The following COL28A1 variants were observed in gnomAD, a reference collection of about 807,000 sequenced individuals.
COL28A1 encodes collagen type XXVIII alpha 1 chain.
A neutral mutation model predicts 150.2 loss-of-function variants in COL28A1; 161 were observed. That is an observed-to-expected ratio of 1.07 (90% confidence interval 0.94 to 1.22). COL28A1 has a LOEUF of 1.22. COL28A1 is among the 50% of genes most tolerant of loss of function. COL28A1 has a pLI of 0.00. For missense variants in COL28A1, 1,617 were observed against 1,388.3 expected (o/e 1.16, Z -2.62); for synonymous variants, 552 against 469.7 (o/e 1.18, Z -2.26).
chr7:7,370,903 A>G, intron 32 of COL28A1, 21 bp from the exon 33 acceptor site: 2 of 1,535,380 alleles, frequency 1.3e-6, no homozygotes, highest in Non-Finnish European at 1.8e-6. Flanking sequence ...AGAAGTAGAA[A>G]AGAGAGATAG....
chr7:7,540,818 C>A (rs905797990), upstream of COL28A1, among the ~76,000 whole-genome samples: 1 of 152,190 alleles, frequency 6.6e-6, no homozygotes, highest in Admixed American at 6.5e-5. Flanking sequence ...ATGAACACCA[C>A]CTCTTCGAAC....
intron 20 of COL28A1, 147 bp from the exon 21 acceptor site, chr7:7,441,008 G>A (rs769343265): frequency 2.6e-5 from 12 of 470,172 alleles, no homozygotes; most frequent in South Asian, 5.2e-5. Context: ...CGCAGGATTC[G>A]TCAATGTTCT....
intron 33 of COL28A1, among the ~76,000 whole-genome samples, chr7:7,369,328 T>C (rs1240078048): frequency 6.6e-6 from 1 of 152,260 alleles, no homozygotes; most frequent in Non-Finnish European, 1.5e-5. Context: ...TCTGAGTCAC[T>C]ATCTGTTCTT....
chr7:7,484,182 A>AT (rs1176422286), intron 13 of COL28A1, among the ~76,000 whole-genome samples: 2 of 152,214 alleles, frequency 1.3e-5, no homozygotes, highest in African/African-American at 2.4e-5. Context: ...AATCTAAAGA[A>AT]TAAAAAAAAA....
intron 25 of COL28A1, among the ~76,000 whole-genome samples, chr7:7,427,222 T>C (rs1206438421): frequency 1.3e-5 from 2 of 152,222 alleles, no homozygotes; most frequent in African/African-American, 4.8e-5. Flanking sequence ...TAGTCACCTT[T>C]TCCTGGTCTT....
intron 13 of COL28A1, among the ~76,000 whole-genome samples, chr7:7,478,331 T>C (rs1037243263): frequency 8.5e-5 from 13 of 152,304 alleles, no homozygotes; most frequent in African/African-American, 2.9e-4. Flanking sequence ...GATTGGTGCA[T>C]TCACAAACCC....
At chr7:7,365,174 G>A (rs948973416) in intron 33 of COL28A1, among the ~76,000 whole-genome samples, 2 of 89,516 alleles carry the variant, frequency 2.2e-5, no homozygotes, top group African/African-American at 5.9e-5. Context: ...TTTATCTGAA[G>A]CAAGAGTGAA....
chr7:7,351,787 T>C (rs536492326), downstream of COL28A1, among the ~76,000 whole-genome samples: 77 of 152,066 alleles, frequency 5.1e-4, 1 homozygote, highest in African/African-American at 1.8e-3. Flanking sequence ...GTGTGACATA[T>C]GACTTGGGGC....
the COL28A1 span, among the ~76,000 whole-genome samples, chr7:7,339,061 C>T: frequency 3.9e-5 from 6 of 152,178 alleles, no homozygotes; most frequent in South Asian, 4.1e-4. Context: ...TCCAAATGCA[C>T]GAGTGAGCAC....
At position 7,380,692 on chromosome 7, in the gene COL28A1, A is replaced by C. The variant is rs978472949; in HGVS notation, c.2290T>G (p.Leu764Val). The C allele has an allele frequency of 4.3e-6, 7 of 1,613,686 alleles. No individual in the cohort carries two copies. In the Admixed American group the frequency reaches 1.0e-4, roughly 23 times the overall value. Residue 764 changes from leucine to valine, a missense_variant, in exon 30 of 35, where the codon TTA becomes GTA. Leu to Val is a conservative substitution (Grantham distance 32). Transcript: ENST00000399429. ...CCTAGGTCTCCTTTGGGTCCTTGTA[A>C]ACCCTACTTAGTGGAAGAAGAGTAA... The part of the protein sequence containing the change: ...GEPGSPGKQG[L>V]QGPKGDLGLT...
intron 33 of COL28A1, among the ~76,000 whole-genome samples, chr7:7,366,772 T>C (rs1780951519): frequency 6.6e-6 from 1 of 152,230 alleles, no homozygotes; most frequent in South Asian, 2.1e-4. Context: ...AGGGAAATGG[T>C]ACTTCTGAGA....
the COL28A1 span, among the ~76,000 whole-genome samples, chr7:7,541,127 G>A: frequency 7.2e-5 from 11 of 152,186 alleles, no homozygotes; most frequent in South Asian, 1.7e-3. Flanking sequence ...ATATTAAGCC[G>A]TTACAATGCT....
the COL28A1 span, among the ~76,000 whole-genome samples, chr7:7,541,783 C>A: frequency 6.9e-3 from 1,045 of 152,260 alleles, 11 homozygotes; most frequent in East Asian, 0.014. Context: ...TCAAGAAGCT[C>A]TCTAAGTAAC....
In COL28A1 at chr7:7,484,270, T is replaced by C. The variant is rs372214456; in HGVS notation, c.1164+5119A>G. On this transcript the variant is annotated intron_variant, in intron 13 of 34. Coordinates refer to ENST00000399429, the MANE Select transcript of COL28A1 (RefSeq NM_001037763.3). ...ACTAAAGACATGGAAACAGAAACCA[T>C]GGTTGCCAGCAGACAATGGAATTAG... 4.6e-5 allele frequency among the ~76,000 whole-genome samples: 7 copies of C among 152,240 alleles called. No homozygotes were observed. In the East Asian group the frequency reaches 9.6e-4, roughly 21 times the overall value.
Position 7,453,420 on chromosome 7 carries a change from G to A in COL28A1, c.1440+20C>T, listed in dbSNP as rs193132502. On this transcript the variant is annotated intron_variant, in intron 17 of 34. Coordinates refer to ENST00000399429, the MANE Select transcript of COL28A1 (RefSeq NM_001037763.3). ...TTATACTATAGATATATTAAACTCC[G>A]CTCTCATTTACAAAGTTACCTTGGA... is the stretch of plus-strand genomic sequence containing the variant. 4.1e-5 allele frequency: 42 copies of A among 1,025,492 alleles called. No homozygotes were observed. Among genetic ancestry groups the A allele is most frequent in the South Asian group, 1.1e-4 (9 of 79,468 alleles). The allele number at this position is 1,025,492 out of a possible 1,614,324, so 63.5% of individuals were successfully genotyped here.
intron 25 of COL28A1, among the ~76,000 whole-genome samples, chr7:7,429,031 A>G (rs1047413448): frequency 2.0e-5 from 3 of 152,158 alleles, no homozygotes; most frequent in African/African-American, 7.2e-5. Flanking sequence ...GTCATATGCT[A>G]AACACATGTG....
chr7:7,348,309 A>T, the COL28A1 span, among the ~76,000 whole-genome samples: 1 of 152,074 alleles, frequency 6.6e-6, no homozygotes, highest in Non-Finnish European at 1.5e-5. Flanking sequence ...TCCATCTCTC[A>T]AAACTCCAGC....
chr7:7,340,559 G>A, the COL28A1 span, among the ~76,000 whole-genome samples: 1 of 152,102 alleles, frequency 6.6e-6, no homozygotes, highest in Non-Finnish European at 1.5e-5. Flanking sequence ...GCGGCCGTAG[G>A]CAATTAGCTC....
intron 13 of COL28A1, among the ~76,000 whole-genome samples, chr7:7,481,442 T>G (rs908062967): frequency 8.5e-5 from 13 of 152,216 alleles, no homozygotes; most frequent in African/African-American, 2.9e-4. Context: ...TTGGGTTAAA[T>G]GGTTATAGTT....
Sources: allele counts gnomAD v4.1 joint callset (sites outside exome capture counted in the v4.1 genomes callset), GRCh38; gene constraint gnomAD v4.1.1; transcripts MANE v1.5; gene names NCBI Gene and HGNC (gene_info 2026-07-23, HGNC 2026-07-21).